ZNF415: variants seen among roughly 807,000 people sequenced by gnomAD.
The protein encoded by ZNF415 is zinc finger protein 415.
ZNF415 carries 5 observed loss-of-function variants against 7.3 expected under a neutral mutation model. The observed-to-expected ratio is 0.69, with a 90% CI of 0.36 to 1.44. ZNF415 has a LOEUF of 1.44. Among genes scored for constraint, ZNF415 ranks in the 40% most tolerant of loss-of-function variants. The pLI, the probability that ZNF415 is intolerant of heterozygous loss-of-function variation, is 0.04. For synonymous variants in ZNF415, 207 were observed against 226.3 expected, an observed-to-expected ratio of 0.91 and a Z score of 0.77; for missense variants, 628 against 664.8, an observed-to-expected ratio of 0.94 and a Z score of 0.61.
intron 2 of ZNF415, among the ~76,000 whole-genome samples, chr19:53,117,267 C>T (rs887887336): frequency 6.6e-6 from 1 of 151,998 alleles, no homozygotes; most frequent in African/African-American, 2.4e-5. Flanking sequence ...CATGGAGAAA[C>T]CCCATCTCTA....
At chr19:53,111,340 C>CTTTTT (rs61112807) in intron 3 of ZNF415, among the ~76,000 whole-genome samples, 28 of 105,100 alleles carry the variant, frequency 2.7e-4, no homozygotes, top group Non-Finnish European at 4.2e-4. Context: ...TATGATATTT[C>CTTTTT]TTTTTTTTTT....
chr19:53,122,472 A>C (rs555943620), intron 2 of ZNF415, 190 bp downstream of exon 2: 4 of 1,552,216 alleles, frequency 2.6e-6, no homozygotes, highest in Non-Finnish European at 3.5e-6. Context: ...TCAGAAGTTC[A>C]TGTCACAGGG....
rs954075778 is a variant in ZNF415 at position 53,113,536 on chromosome 19, C to T, written c.136+2777G>A. On this transcript the variant is annotated intron_variant, in intron 3 of 3. Transcript: ENST00000243643. ...AAAAAAAAAAAAAAAAAAAAAAAAC[C>T]GAGGCATTACAGCAGTGTAAAGCAA... is the stretch of plus-strand genomic sequence containing the variant. Among the ~76,000 whole-genome samples, 16 of 147,330 alleles carry T rather than the reference C, an allele frequency of 1.1e-4. 2 individuals carry two copies. The highest frequency in any genetic ancestry group is 2.3e-4 in the African/African-American group (9 of 39,752).
intron 1 of ZNF415, chr19:53,124,393 CGA>C (rs59070823): frequency 1.3e-3 from 193 of 146,410 alleles, no homozygotes; most frequent in East Asian, 1.8e-3. Flanking sequence ...AGAGAGGAGA[CGA>C]GAGAGAGAGA....
chr19:53,112,132 A>G (rs1424893913), intron 3 of ZNF415, among the ~76,000 whole-genome samples: 3 of 151,538 alleles, frequency 2.0e-5, no homozygotes, highest in Admixed American at 2.0e-4. Flanking sequence ...TTAGTAGAGA[A>G]GGGGTTTAAC....
At chr19:53,114,999 T>C (rs768466439) in intron 3 of ZNF415, among the ~76,000 whole-genome samples, 4 of 152,102 alleles carry the variant, frequency 2.6e-5, no homozygotes, top group Non-Finnish European at 5.9e-5. Flanking sequence ...GCCTCCCCTC[T>C]GATCTATATG....
At position 53,109,968 on chromosome 19, in the gene ZNF415, T is replaced by C. The variant is rs2085996126; in HGVS notation, c.137-60A>G. On this transcript the variant is annotated intron_variant, in intron 3 of 3. Transcript: ENST00000243643. ...TTAGAGACAGTATATAAATATTTCA[T>C]ACTGAATAACAGAATTACACAAAAA... 8.2e-6 allele frequency: 11 copies of C among 1,347,062 alleles called. No homozygotes were observed. The South Asian group carries it at 1.7e-4, about 21-fold the overall frequency. 83.4% of individuals were successfully genotyped at this position (1,347,062 alleles called of 1,614,324 possible).
Position 53,108,876 on chromosome 19 carries a change from C to A in ZNF415, c.1169G>T (p.Gly390Val). The A allele has an allele frequency of 6.2e-7, 1 of 1,614,054 alleles. No homozygotes were observed. Among genetic ancestry groups the A allele is most frequent in the Non-Finnish European group, 8.5e-7 (1 of 1,179,968 alleles). ...GCTTGAAGTCTGACTGAAGACTTTA[C>A]CACATTCATTACACTTGTATGGTTT... The part of the protein sequence containing the change: ...GEKPYKCNEC[G>V]KVFSQTSSLA... The change falls in exon 4 of 4, where the codon GGT becomes GTT. Residue 390 changes from glycine (G) to valine (V), a missense_variant. Physicochemically the swap from Gly to Val is moderately radical, Grantham distance 109. Transcript: ENST00000243643.
chr19:53,119,444 C>CAAAA lies in ZNF415; in HGVS notation c.16-3015_16-3012dup, dbSNP rs34688086. Among the ~76,000 whole-genome samples, 2 of 35,088 alleles carry CAAAA rather than the reference C, an allele frequency of 5.7e-5. 1 individual carries two copies. The highest frequency in any genetic ancestry group is 1.1e-3 in the Admixed American group (2 of 1,836). The allele number at this position is 35,088 out of a possible 152,430, so 23.0% of individuals were successfully genotyped here. A position where few individuals can be genotyped will look rare whatever the true frequency, so the allele number is the denominator to read the frequency against. On this transcript the variant is annotated intron_variant, in intron 2 of 3. Transcript: ENST00000243643. Reference sequence around the variant, plus strand: ...TGGGTGACAGAGCAAGACTCCATCTCAAAAAAAAAAAAAAAAAAAAAAAAA... The same window carrying CAAAA: ...TGGGTGACAGAGCAAGACTCCATCTCAAAAAAAAAAAAAAAAAAAAAAAAAAAAA...
chr19:53,122,751 A>G lies in ZNF415; in HGVS notation c.-67-8T>C, dbSNP rs775196429. On this transcript the variant is annotated splice_region_variant and splice_polypyrimidine_tract_variant and intron_variant, in intron 1 of 3. Transcript: ENST00000243643. ...AGTCTTTGGAAGTCAATGCTGAATA[A>G]CAACAACAAGTGCTGTTTATTGCTT... 1 of 1,600,940 alleles carries G rather than the reference A, an allele frequency of 6.2e-7. No individual in the cohort carries two copies. The highest frequency in any genetic ancestry group is 1.1e-5 in the South Asian group (1 of 90,678).
At chr19:53,126,348 A>G (rs902834715) in intron 1 of ZNF415, among the ~76,000 whole-genome samples, 3 of 149,878 alleles carry the variant, frequency 2.0e-5, no homozygotes, top group African/African-American at 7.3e-5. Context: ...GGCCAATAAA[A>G]GACCCTAAAT....
At chr19:53,120,105 C>A (rs7259388) in intron 2 of ZNF415, among the ~76,000 whole-genome samples, 15,987 of 151,868 alleles carry the variant, frequency 0.11, 924 homozygotes, top group African/African-American at 0.16. Context: ...GAAATCCCTC[C>A]TGAACACAGA....
rs1308240916 is a variant in ZNF415 at position 53,125,207 on chromosome 19, C to T, written c.-67-2464G>A. Among the ~76,000 whole-genome samples, 5 of 151,938 alleles carry T rather than the reference C, an allele frequency of 3.3e-5. No homozygotes were observed. In the East Asian group the frequency reaches 7.7e-4, roughly 24 times the overall value. ...TACAGGCACATGCCACCATGCCCGGCTAATTTCTGTATTTTTAGTAGAGAC... is the reference window on the plus strand; with the variant it reads ...TACAGGCACATGCCACCATGCCCGGTTAATTTCTGTATTTTTAGTAGAGAC... On this transcript the variant is annotated intron_variant, in intron 1 of 3. Coordinates refer to ENST00000243643, the MANE Select transcript of ZNF415 (RefSeq NM_018355.4).
chr19:53,126,012 T>C (rs2146586540), intron 1 of ZNF415, among the ~76,000 whole-genome samples: 1 of 127,036 alleles, frequency 7.9e-6, no homozygotes, highest in African/African-American at 2.7e-5. Flanking sequence ...TTATTCCTGG[T>C]GTAGACAAAA....
At chr19:53,116,556 T>C (rs529767010) in intron 2 of ZNF415, 123 bp from the exon 3 acceptor site, 2 of 1,281,654 alleles carry the variant, frequency 1.6e-6, no homozygotes, top group Admixed American at 2.0e-5. Flanking sequence ...TTCTGATAAA[T>C]CCACACTAAG....
chr19:53,110,436 A>C (rs1437342505), intron 3 of ZNF415, among the ~76,000 whole-genome samples: 1 of 152,206 alleles, frequency 6.6e-6, no homozygotes, highest in East Asian at 1.9e-4. Context: ...ACAAAAACTA[A>C]TAAAACACTG....
chr19:53,120,048 TC>T (rs1332195321), intron 2 of ZNF415, among the ~76,000 whole-genome samples: 3 of 148,546 alleles, frequency 2.0e-5, no homozygotes, highest in Non-Finnish European at 4.5e-5. Context: ...AAGCCAGCAT[TC>T]CCGATATCAA....
At chr19:53,116,611 CTCTTTT>C (rs1568565909) in intron 2 of ZNF415, among the ~76,000 whole-genome samples, 178 bp from the exon 3 acceptor site, 1 of 131,328 alleles carries the variant, frequency 7.6e-6, no homozygotes. Context: ...TTTTTTTTCT[CTCTTTT>C]TTTTTTTTTT....
chr19:53,108,717 T>C lies in ZNF415; in HGVS notation c.1328A>G (p.Asn443Ser). The change falls in exon 4 of 4, where the codon AAT (asparagine) becomes AGT (serine). Residue 443 changes from asparagine to serine, a missense_variant. Coordinates refer to ENST00000243643, the MANE Select transcript of ZNF415 (RefSeq NM_018355.4). ...CACACTAAAGGCTTTCCCACACTCATTACACTTGTAAGGTTTCTCTCCAGT... is the reference window on the plus strand; with the variant it reads ...CACACTAAAGGCTTTCCCACACTCACTACACTTGTAAGGTTTCTCTCCAGT... The part of the protein sequence containing the change: ...VHTGEKPYKC[N>S]ECGKAFSVHS... 2 of 1,614,206 alleles carry C rather than the reference T, an allele frequency of 1.2e-6. No individual in the cohort carries two copies. Among genetic ancestry groups the C allele is most frequent in the Middle Eastern group, 1.6e-4 (1 of 6,062 alleles).
Sources: gnomAD v4.1 joint callset for allele counts (sites outside exome capture counted in the v4.1 genomes callset) on GRCh38, gnomAD v4.1.1 for gene constraint, MANE v1.5 for transcripts, NCBI Gene and HGNC (gene_info 2026-07-23, HGNC 2026-07-21) for gene names.